FAM171B: variants seen among roughly 807,000 people sequenced by gnomAD.
FAM171B encodes protein FAM171B.
A neutral mutation model predicts 75.6 loss-of-function variants in FAM171B; 19 were observed. That is an observed-to-expected ratio of 0.25 (90% CI 0.18 to 0.37). FAM171B has a LOEUF of 0.37. Ranked by LOEUF, FAM171B falls within the 10% of genes least tolerant of loss-of-function variation. The probability of loss-of-function intolerance (pLI) is 1.00; values close to 1 mark genes in which losing one functional copy is unlikely to be tolerated. For missense variants in FAM171B, 848 were observed against 982.4 expected (o/e 0.86, Z 1.83); for synonymous variants, 367 against 361.7 (o/e 1.01, Z -0.17).
At position 186,735,189 on chromosome 2, in the gene FAM171B, G is replaced by A. The variant is rs540913583; in HGVS notation, c.239-5039G>A. Among the ~76,000 whole-genome samples, 3 of 152,292 alleles carry A rather than the reference G, an allele frequency of 2.0e-5. No homozygotes were observed. The East Asian group carries it at 5.8e-4, about 29-fold the overall frequency. On this transcript the variant is annotated intron_variant, in intron 1 of 7. Transcript: ENST00000304698. ...TCCTCACAGTGGCTGCTCCACACGG[G>A]CTGTCACTGCCATCAGTTTGGGGGA...
rs1205985432 is a variant in FAM171B at position 186,743,482 on chromosome 2, G to A, written c.473-1G>A. The A allele has an allele frequency of 6.3e-7, 1 of 1,596,848 alleles. No homozygotes were observed. Among genetic ancestry groups the A allele is most frequent in the Non-Finnish European group, 8.6e-7 (1 of 1,165,144 alleles). On this transcript the variant is annotated splice_acceptor_variant, in intron 2 of 7. Coordinates refer to ENST00000304698, the MANE Select transcript of FAM171B (RefSeq NM_177454.4). LOFTEE classifies it high-confidence loss of function. ...TATTCTAATTGTGCTATATTTCACA[G>A]TATATTCATCAGTTACACTTTCACT...
At chr2:186,730,193 T>C (rs1332729157) in intron 1 of FAM171B, among the ~76,000 whole-genome samples, 1 of 152,206 alleles carries the variant, frequency 6.6e-6, no homozygotes, top group East Asian at 1.9e-4. Context: ...TCTCTTGACC[T>C]CGTGATCCAC....
At chr2:186,714,745 C>T (rs1689852784) in intron 1 of FAM171B, among the ~76,000 whole-genome samples, 1 of 152,126 alleles carries the variant, frequency 6.6e-6, no homozygotes, top group Non-Finnish European at 1.5e-5. Flanking sequence ...AAGGCATCAC[C>T]CCTGGACTTG....
At chr2:186,712,876 A>G (rs1246265719) in intron 1 of FAM171B, among the ~76,000 whole-genome samples, 7 of 152,222 alleles carry the variant, frequency 4.6e-5, no homozygotes, top group Admixed American at 4.6e-4. Flanking sequence ...TCCTCCTCAA[A>G]ATACTGCCCA....
In FAM171B at chr2:186,761,218, T is replaced by C; in HGVS notation, c.1118T>C (p.Val373Ala). The change falls in exon 7 of 8, where the codon GTA (valine) becomes GCA (alanine). Residue 373 changes from valine (V) to alanine (A), a missense_variant. This residue lies in a region of FAM171B where 665 missense variants were observed against 729.0 expected (regional missense o/e 0.91). Transcript: ENST00000304698. ...GTCATTGTCATTGGATTTTTTGCTG[T>C]ACTACTTTGTTATTGCAGGTAAGAA... ...TIVIVIGFFA[V>A]LLCYCRDKCG... is the part of the protein sequence containing the mutation. 1.2e-6 allele frequency: 2 copies of C among 1,612,184 alleles called. No homozygotes were observed. The highest frequency in any genetic ancestry group is 1.7e-6 in the Non-Finnish European group (2 of 1,179,090).
chr2:186,743,756 T>C (rs1690327410), intron 3 of FAM171B, among the ~76,000 whole-genome samples, 181 bp downstream of exon 3: 1 of 152,228 alleles, frequency 6.6e-6, no homozygotes, highest in African/African-American at 2.4e-5. Context: ...TGTGGGCTTT[T>C]TTGTATAGCA....
intron 1 of FAM171B, among the ~76,000 whole-genome samples, chr2:186,714,650 C>T (rs983133838): frequency 1.7e-4 from 26 of 152,164 alleles, no homozygotes; most frequent in African/African-American, 6.3e-4. Flanking sequence ...TTTTAGTCCA[C>T]TTTGGTTGTA....
rs183401650 is a variant in FAM171B at position 186,720,752 on chromosome 2, T to G, written c.239-19476T>G. Among the ~76,000 whole-genome samples, 4 of 148,768 alleles carry G rather than the reference T, an allele frequency of 2.7e-5. No individual in the cohort carries two copies. The East Asian group carries it at 8.0e-4, about 30-fold the overall frequency. Reference sequence around the variant, plus strand: ...CAAAACAAAACAAAAACTCTCTAATTAAACGTATTAAATGTACCCAAACCC... The same window carrying G: ...CAAAACAAAACAAAAACTCTCTAATGAAACGTATTAAATGTACCCAAACCC... On this transcript the variant is annotated intron_variant, in intron 1 of 7. Transcript: ENST00000304698.
Position 186,754,068 on chromosome 2 carries a change from G to T in FAM171B, c.1012+19G>T, listed in dbSNP as rs1394350045. ...ACTAGAGGTATTGTAAAAAATGAAA[G>T]TAATTAAAACATGTAATTCAAATAG... is the stretch of plus-strand genomic sequence containing the variant. On this transcript the variant is annotated intron_variant, in intron 6 of 7. Coordinates refer to ENST00000304698, the MANE Select transcript of FAM171B (RefSeq NM_177454.4). 1 of 1,550,322 alleles carries T rather than the reference G, an allele frequency of 6.5e-7. No individual in the cohort carries two copies. Among genetic ancestry groups the T allele is most frequent in the Non-Finnish European group, 8.8e-7 (1 of 1,139,046 alleles).
At position 186,697,975 on chromosome 2, in the gene FAM171B, A is replaced by G. The variant is rs147539847; in HGVS notation, c.238+3564A>G. ...AACTCCATCTTCAGAGAGCAGTGAA[A>G]ATAAAGACTAAGGTTGGTATCCATC... is the stretch of plus-strand genomic sequence containing the variant. On this transcript the variant is annotated intron_variant, in intron 1 of 7. Coordinates refer to ENST00000304698, the MANE Select transcript of FAM171B (RefSeq NM_177454.4). 2.9e-3 allele frequency among the ~76,000 whole-genome samples: 441 copies of G among 152,326 alleles called. 4 individuals carry two copies. Among genetic ancestry groups the G allele is most frequent in the African/African-American group, 9.8e-3 (406 of 41,576 alleles).
chr2:186,725,196 T>C (rs1690012855), intron 1 of FAM171B, among the ~76,000 whole-genome samples: 1 of 151,540 alleles, frequency 6.6e-6, no homozygotes, highest in African/African-American at 2.4e-5. Flanking sequence ...TACAAAAAAT[T>C]AGCCGGGCGT....
At chr2:186,754,102 G>T in intron 6 of FAM171B, 53 bp downstream of exon 6, 1 of 1,359,038 alleles carries the variant, frequency 7.4e-7, no homozygotes, top group South Asian at 1.3e-5. Context: ...AGTCTTGCTG[G>T]AACGGATAGC....
chr2:186,722,570 A>G (rs1310423708), intron 1 of FAM171B, among the ~76,000 whole-genome samples: 2 of 152,200 alleles, frequency 1.3e-5, no homozygotes, highest in East Asian at 3.9e-4. Flanking sequence ...TTTTGAATGC[A>G]TGAAACACCA....
At chr2:186,713,273 T>C (rs1689833173) in intron 1 of FAM171B, among the ~76,000 whole-genome samples, 1 of 152,236 alleles carries the variant, frequency 6.6e-6, no homozygotes, top group Admixed American at 6.5e-5. Flanking sequence ...ATTCTAGGGC[T>C]GCATGGTTTG....
intron 1 of FAM171B, among the ~76,000 whole-genome samples, chr2:186,696,746 G>A (rs374005219): frequency 2.6e-5 from 4 of 152,060 alleles, no homozygotes; most frequent in South Asian, 4.1e-4. Flanking sequence ...GTTTGCTCAA[G>A]TGTCTCAGTA....
intron 1 of FAM171B, among the ~76,000 whole-genome samples, chr2:186,700,953 G>A (rs1365308384): frequency 6.6e-6 from 1 of 150,676 alleles, no homozygotes; most frequent in Non-Finnish European, 1.5e-5. Flanking sequence ...CTCTTGCTCT[G>A]TTGCCCAGAC....
chr2:186,758,398 T>C (rs1287469341), intron 6 of FAM171B, among the ~76,000 whole-genome samples: 1 of 152,184 alleles, frequency 6.6e-6, no homozygotes, highest in African/African-American at 2.4e-5. Context: ...ATTTGAAAGA[T>C]AAAATTAAAG....
At chr2:186,696,396 GTCT>G (rs1431040893) in intron 1 of FAM171B, among the ~76,000 whole-genome samples, 1 of 149,296 alleles carries the variant, frequency 6.7e-6, no homozygotes, top group African/African-American at 2.5e-5. Flanking sequence ...CATTGAACTG[GTCT>G]TCCTGTTTCA....
At chr2:186,757,745 T>C in intron 6 of FAM171B, among the ~76,000 whole-genome samples, 1 of 152,116 alleles carries the variant, frequency 6.6e-6, no homozygotes, top group South Asian at 2.1e-4. Flanking sequence ...TGCACACACA[T>C]GCACACGGAT....
Sources: gnomAD v4.1 joint callset for allele counts (sites outside exome capture counted in the v4.1 genomes callset) on GRCh38, gnomAD v4.1.1 for gene constraint, gnomAD v4.1.1 regional missense constraint, MANE v1.5 for transcripts, NCBI Gene and HGNC (gene_info 2026-07-23, HGNC 2026-07-21) for gene names.